SPATS2: variants seen among roughly 807,000 people sequenced by gnomAD.
SPATS2 encodes the protein spermatogenesis-associated serine-rich protein 2.
In SPATS2, 38 loss-of-function variants were observed where a neutral mutation model predicts 63.7. The ratio of observed to expected loss-of-function variants is 0.60; its 90% CI spans 0.46 to 0.78. SPATS2 has a LOEUF of 0.78. SPATS2 is among the 30% of genes least tolerant of loss of function. SPATS2 has a pLI of 0.00. For synonymous variants in SPATS2, 207 were observed against 232.9 expected, an observed-to-expected ratio of 0.89 and a Z score of 1.01; for missense variants, 588 against 666.2, an observed-to-expected ratio of 0.88 and a Z score of 1.29.
chr12:49,452,273 T>G (rs1413242817), intron 2 of SPATS2, among the ~76,000 whole-genome samples: 1 of 152,212 alleles, frequency 6.6e-6, no homozygotes, highest in Non-Finnish European at 1.5e-5. Context: ...TGAGACTGTT[T>G]TACTTTTTAA....
chr12:49,414,935 CTTTTCTT>C (rs1320938530), intron 2 of SPATS2, among the ~76,000 whole-genome samples: 148 of 135,956 alleles, frequency 1.1e-3, no homozygotes, highest in African/African-American at 4.0e-3. Flanking sequence ...TTTTCTTTTT[CTTTTCTT>C]TTTTTTTTTT....
In SPATS2 at chr12:49,432,547, A is replaced by G. The variant is rs777355241; in HGVS notation, c.-243-28223A>G. ...ACATTGTTGTATAACAGATCGCCCA[A>G]AGTTTTTTTATCTTTGCAAAACTGA... On this transcript the variant is annotated intron_variant, in intron 2 of 13. Transcript: ENST00000552918. Among the ~76,000 whole-genome samples the G allele has an allele frequency of 2.6e-5, 4 of 152,314 alleles. No homozygotes were observed. In the South Asian group the frequency reaches 8.3e-4, roughly 32 times the overall value.
intron 2 of SPATS2, among the ~76,000 whole-genome samples, chr12:49,437,843 G>GGGGAGA (rs993777230): frequency 1.6e-4 from 24 of 151,960 alleles, no homozygotes; most frequent in Non-Finnish European, 2.9e-4. Context: ...GGGAGACCGT[G>GGGGAGA]GGGAGAGGGA....
chr12:49,416,773 CTG>C (rs1944897356), intron 2 of SPATS2, among the ~76,000 whole-genome samples: 1 of 152,212 alleles, frequency 6.6e-6, no homozygotes, highest in Non-Finnish European at 1.5e-5. Flanking sequence ...GCGTGAGCCA[CTG>C]TGCCTGGCCT....
intron 2 of SPATS2, among the ~76,000 whole-genome samples, chr12:49,420,010 G>A (rs751241689): frequency 1.5e-4 from 23 of 152,160 alleles, no homozygotes; most frequent in Non-Finnish European, 2.6e-4. Flanking sequence ...AAAAGCAGCT[G>A]GAAATACCAT....
chr12:49,419,219 A>T (rs529912056), intron 2 of SPATS2, among the ~76,000 whole-genome samples: 1 of 152,388 alleles, frequency 6.6e-6, no homozygotes, highest in South Asian at 2.1e-4. Flanking sequence ...TGCTGCATGC[A>T]TTATGCATTC....
At position 49,371,190 on chromosome 12, in the gene SPATS2, A is replaced by G. The variant is rs571417775; in HGVS notation, c.-306-38A>G. On this transcript the variant is annotated intron_variant, in intron 1 of 13. Coordinates refer to ENST00000552918, the MANE Select transcript of SPATS2 (RefSeq NM_023071.4). ...TTTCCCAGACTGAAGCTCTATATCTATTAAACAATAATTCCTTGTTTCTCT... is the reference window on the plus strand; with the variant it reads ...TTTCCCAGACTGAAGCTCTATATCTGTTAAACAATAATTCCTTGTTTCTCT... 8 of 152,334 alleles carry G rather than the reference A, an allele frequency of 5.3e-5. No homozygotes were observed. The South Asian group carries it at 1.4e-3, about 28-fold the overall frequency. The allele number at this position is 152,334 out of a possible 1,614,324, so 9.4% of individuals were successfully genotyped here. A position where few individuals can be genotyped will look rare whatever the true frequency, so the allele number is the denominator to read the frequency against.
In SPATS2 at chr12:49,524,812, T is replaced by A; in HGVS notation, c.1242T>A (p.Ser414Arg). The stretch of plus-strand genomic sequence containing the variant: ...GTGCCTCTCCTCCCAGCCTTACAAG[T>A]GCTAACAAGAAAAACTTTGCACCGG... ...STCASPPSLTSANKKNFAPGE... is the reference protein window; with the variant it reads ...STCASPPSLTRANKKNFAPGE... Residue 414 changes from serine to arginine, a missense_variant, in exon 13 of 14, where the codon AGT (serine) becomes AGA (arginine). Ser to Arg is a moderately radical substitution (Grantham distance 110). Coordinates refer to ENST00000552918, the MANE Select transcript of SPATS2 (RefSeq NM_023071.4). The A allele has an allele frequency of 1.2e-6, 2 of 1,614,130 alleles. No individual in the cohort carries two copies. Among genetic ancestry groups the A allele is most frequent in the African/African-American group, 2.7e-5 (2 of 75,050 alleles).
At chr12:49,479,861 A>G (rs959775290) in intron 3 of SPATS2, among the ~76,000 whole-genome samples, 3 of 152,216 alleles carry the variant, frequency 2.0e-5, no homozygotes, top group African/African-American at 7.2e-5. Context: ...GAGAACTAGT[A>G]TATTTGGTGA....
intron 12 of SPATS2, among the ~76,000 whole-genome samples, chr12:49,524,301 G>A (rs1226694858): frequency 1.3e-5 from 2 of 152,112 alleles, no homozygotes; most frequent in Admixed American, 1.3e-4. Flanking sequence ...CTGTTCCTTA[G>A]AATGTTTCTT....
intron 2 of SPATS2, among the ~76,000 whole-genome samples, chr12:49,447,517 G>T (rs181095698): frequency 1.3e-5 from 2 of 152,190 alleles, no homozygotes; most frequent in African/African-American, 4.8e-5. Context: ...GATTACAGGC[G>T]TGAGCCACTG....
intron 9 of SPATS2, among the ~76,000 whole-genome samples, chr12:49,502,657 A>G (rs932806428): frequency 2.6e-5 from 4 of 152,086 alleles, no homozygotes; most frequent in Admixed American, 1.3e-4. Flanking sequence ...AGGTTTCACC[A>G]TATTGCCCAG....
chr12:49,390,204 G>A (rs1337588285), intron 2 of SPATS2: 32 of 1,209,542 alleles, frequency 2.6e-5, no homozygotes, highest in Non-Finnish European at 3.4e-5. Flanking sequence ...ATGGCTCCCA[G>A]TGGTCAAATA....
rs199568736 is a variant in SPATS2 at position 49,411,484 on chromosome 12, A to G, written c.-244+40194A>G. Among the ~76,000 whole-genome samples, 9 of 152,334 alleles carry G rather than the reference A, an allele frequency of 5.9e-5. No individual in the cohort carries two copies. The East Asian group carries it at 1.5e-3, about 26-fold the overall frequency. Reference sequence around the variant, plus strand: ...AAATAAATATTTTTGGTCCCCCCCAAAAAAGAAAAGTTTATTAAAATAGTT... The same window carrying G: ...AAATAAATATTTTTGGTCCCCCCCAGAAAAGAAAAGTTTATTAAAATAGTT... On this transcript the variant is annotated intron_variant, in intron 2 of 13. Coordinates refer to ENST00000552918, the MANE Select transcript of SPATS2 (RefSeq NM_023071.4).
intron 2 of SPATS2, among the ~76,000 whole-genome samples, chr12:49,399,283 C>T (rs1452297857): frequency 1.3e-5 from 2 of 152,022 alleles, no homozygotes; most frequent in Non-Finnish European, 2.9e-5. Context: ...TTTCCCTTTT[C>T]TCAGAAGCAC....
intron 2 of SPATS2, among the ~76,000 whole-genome samples, chr12:49,423,236 G>A: frequency 6.6e-6 from 1 of 151,696 alleles, no homozygotes; most frequent in East Asian, 1.9e-4. Flanking sequence ...GGGTTCAAGC[G>A]ATTCTCCTGC....
chr12:49,514,662 G>A, intron 10 of SPATS2, 49 bp downstream of exon 10: 1 of 1,558,482 alleles, frequency 6.4e-7, no homozygotes, highest in Non-Finnish European at 8.8e-7. Flanking sequence ...TAAATAGTAG[G>A]TACCTACTTC....
chr12:49,509,144 CATT>C (rs555009787), intron 9 of SPATS2, among the ~76,000 whole-genome samples: 155 of 152,106 alleles, frequency 1.0e-3, no homozygotes, highest in African/African-American at 3.3e-3. Context: ...AAAATATCAT[CATT>C]GAGTCACATG....
chr12:49,425,953 ATTATGTAATTGTAATTATGAGCACAAC>A (rs1945068139), intron 2 of SPATS2, among the ~76,000 whole-genome samples: 1 of 152,176 alleles, frequency 6.6e-6, no homozygotes, highest in Non-Finnish European at 1.5e-5. Context: ...TTTCATGACA[ATTATGTAATTGTAATTATGAGCACAAC>A]TGGCATTAAG....
Sources: allele counts gnomAD v4.1 joint callset (sites outside exome capture counted in the v4.1 genomes callset), GRCh38; gene constraint gnomAD v4.1.1; transcripts MANE v1.5; gene names NCBI Gene and HGNC (gene_info 2026-07-23, HGNC 2026-07-21).